The following ADGRL3 variants were observed in gnomAD, a reference collection of about 807,000 sequenced individuals.
The protein encoded by ADGRL3 is calcium-independent alpha-latrotoxin receptor 3.
Under a neutral mutation model 153.5 loss-of-function variants are expected in ADGRL3, and 62 were observed. That is an observed-to-expected ratio of 0.40 (90% CI 0.33 to 0.50). The LOEUF is 0.50. Among genes scored for constraint, ADGRL3 ranks in the 20% least tolerant of loss-of-function variants. ADGRL3 has a pLI of 0.47. For synonymous variants in ADGRL3, 710 were observed against 672.5 expected (o/e 1.06, Z -0.86); for missense variants, 1,641 against 1,859.4 (o/e 0.88, Z 2.16).
chr4:61,247,893 CTG>C (rs1757723018), intron 1 of ADGRL3, among the ~76,000 whole-genome samples: 4 of 151,956 alleles, frequency 2.6e-5, no homozygotes, highest in Admixed American at 2.0e-4. Context: ...GGAAGTTATC[CTG>C]TGATATGTTT....
At chr4:61,373,054 C>T (rs1475758447) in intron 1 of ADGRL3, among the ~76,000 whole-genome samples, 1 of 152,198 alleles carries the variant, frequency 6.6e-6, no homozygotes, top group East Asian at 1.9e-4. Context: ...CCTTGTGCTT[C>T]CCGAGTGAGG....
intron 4 of ADGRL3, among the ~76,000 whole-genome samples, chr4:61,554,688 T>C (rs934516798): frequency 1.4e-4 from 21 of 152,170 alleles, no homozygotes; most frequent in Non-Finnish European, 1.5e-5. Flanking sequence ...TATACTTTAA[T>C]TTCAGTGGCC....
At chr4:61,878,301 CTTCAATGTATGAATT>C (rs1264095691) in intron 9 of ADGRL3, among the ~76,000 whole-genome samples, 2 of 152,188 alleles carry the variant, frequency 1.3e-5, no homozygotes, top group African/African-American at 4.8e-5. Context: ...AAGATTAGAA[CTTCAATGTATGAATT>C]TTGGGGAAAG....
chr4:61,552,556 C>T (rs2098745043), intron 4 of ADGRL3, among the ~76,000 whole-genome samples: 1 of 152,132 alleles, frequency 6.6e-6, no homozygotes, highest in Non-Finnish European at 1.5e-5. Flanking sequence ...CTCAACCTCC[C>T]AGGCCTAAAC....
At chr4:61,428,566 C>T (rs1283550897) in intron 2 of ADGRL3, among the ~76,000 whole-genome samples, 1 of 152,156 alleles carries the variant, frequency 6.6e-6, no homozygotes, top group African/African-American at 2.4e-5. Context: ...GTGTATATAA[C>T]TTACTAGGTA....
chr4:61,938,977 T>A (rs1043636964), intron 15 of ADGRL3, among the ~76,000 whole-genome samples: 5 of 151,320 alleles, frequency 3.3e-5, no homozygotes, highest in Non-Finnish European at 7.4e-5. Context: ...GACTCCCTCA[T>A]CTTAGTAACC....
chr4:61,707,115 T>G (rs2095869767), intron 6 of ADGRL3, among the ~76,000 whole-genome samples: 1 of 152,100 alleles, frequency 6.6e-6, no homozygotes, highest in South Asian at 2.1e-4. Context: ...GGCTGATCAG[T>G]AGAGCAGTCA....
intron 5 of ADGRL3, among the ~76,000 whole-genome samples, chr4:61,672,476 A>G (rs1271835875): frequency 6.6e-6 from 1 of 152,144 alleles, no homozygotes; most frequent in Non-Finnish European, 1.5e-5. Flanking sequence ...GCAAGAAAAC[A>G]AATAACCTAA....
chr4:61,939,167 A>T (rs1284664266), intron 15 of ADGRL3, among the ~76,000 whole-genome samples: 2 of 152,204 alleles, frequency 1.3e-5, no homozygotes, highest in Non-Finnish European at 2.9e-5. Context: ...CAGTGACCTT[A>T]AAATAACATG....
At chr4:61,888,276 A>G (rs1166530494) in intron 9 of ADGRL3, among the ~76,000 whole-genome samples, 1 of 152,234 alleles carries the variant, frequency 6.6e-6, no homozygotes, top group Non-Finnish European at 1.5e-5. Flanking sequence ...CTTTTCTCTG[A>G]TATACAAACA....
chr4:61,400,817 C>CG (rs2096921258), intron 2 of ADGRL3, among the ~76,000 whole-genome samples: 1 of 114,558 alleles, frequency 8.7e-6, no homozygotes, highest in Non-Finnish European at 1.9e-5. Context: ...GCTAAAGTTA[C>CG]AAAAAAAAAA....
chr4:61,777,875 A>G (rs767977775), intron 8 of ADGRL3, among the ~76,000 whole-genome samples: 3 of 152,172 alleles, frequency 2.0e-5, no homozygotes, highest in East Asian at 1.9e-4. Flanking sequence ...AGTATGTAAC[A>G]CATTGAATCT....
Position 61,847,628 on chromosome 4 carries a change from A to T in ADGRL3, c.1480+33739A>T, listed in dbSNP as rs1227951462. Among the ~76,000 whole-genome samples, 48 of 35,540 alleles carry T rather than the reference A, an allele frequency of 1.4e-3. 2 individuals are homozygous for T. Among genetic ancestry groups the T allele is most frequent in the African/African-American group, 3.2e-3 (37 of 11,598 alleles). 23.3% of individuals were successfully genotyped at this position (35,540 alleles called of 152,430 possible). A position where few individuals can be genotyped will look rare whatever the true frequency, so the allele number is the denominator to read the frequency against. On this transcript the variant is annotated intron_variant, in intron 9 of 26. Transcript: ENST00000683033. ...ATAATATATTATATATATAATATAA[A>T]ATATATTATATATATAATATAAAAT... is the stretch of plus-strand genomic sequence containing the variant.
At chr4:61,402,220 C>T (rs2096937472) in intron 2 of ADGRL3, among the ~76,000 whole-genome samples, 2 of 151,978 alleles carry the variant, frequency 1.3e-5, no homozygotes, top group Admixed American at 1.3e-4. Context: ...TTGCTAAAGC[C>T]TCGTCTATTG....
chr4:61,219,092 C>T (rs1577888449), intron 1 of ADGRL3, among the ~76,000 whole-genome samples: 3 of 152,282 alleles, frequency 2.0e-5, no homozygotes, highest in South Asian at 4.1e-4. Context: ...AGGATAGATC[C>T]TGCTTCTTTC....
chr4:61,446,107 AGAGTG>A (rs1443650971), intron 2 of ADGRL3, among the ~76,000 whole-genome samples: 1 of 152,154 alleles, frequency 6.6e-6, no homozygotes, highest in Non-Finnish European at 1.5e-5. Flanking sequence ...ATTATTTCTG[AGAGTG>A]TATCTTCATC....
chr4:61,822,206 G>A (rs1037571222), intron 9 of ADGRL3, among the ~76,000 whole-genome samples: 3 of 152,098 alleles, frequency 2.0e-5, no homozygotes, highest in Admixed American at 6.6e-5. Context: ...CTTTTCCTGT[G>A]TTCCTATGCT....
At chr4:61,395,072 G>C (rs890764286) in intron 2 of ADGRL3, among the ~76,000 whole-genome samples, 6 of 151,968 alleles carry the variant, frequency 3.9e-5, no homozygotes, top group African/African-American at 1.4e-4. Context: ...AATTTTAATA[G>C]ATTACGTTTC....
intron 13 of ADGRL3, among the ~76,000 whole-genome samples, chr4:61,922,750 T>G (rs925247333): frequency 1.3e-5 from 2 of 152,188 alleles, no homozygotes; most frequent in Non-Finnish European, 2.9e-5. Context: ...CAGACACTGT[T>G]TCAGGTGCAG....
Sources: allele counts gnomAD v4.1 joint callset (sites outside exome capture counted in the v4.1 genomes callset), GRCh38; gene constraint gnomAD v4.1.1; transcripts MANE v1.5; gene names NCBI Gene and HGNC (gene_info 2026-07-23, HGNC 2026-07-21).